The following BPIFA2 variants were observed in gnomAD, a reference collection of about 807,000 sequenced individuals.
The protein encoded by BPIFA2 is BPI fold containing family A member 2.
BPIFA2 carries 20 observed loss-of-function variants against 25.7 expected under a neutral mutation model. That is an observed-to-expected ratio of 0.78 (90% CI 0.55 to 1.13). The LOEUF (loss-of-function observed/expected upper bound fraction) is 1.13. Ranked by LOEUF, BPIFA2 falls within the 50% of genes most tolerant of loss-of-function variation. The probability of loss-of-function intolerance (pLI) is 0.00; values close to 1 mark genes in which losing one functional copy is unlikely to be tolerated. For synonymous variants in BPIFA2, 126 were observed against 124.3 expected (o/e 1.01, Z -0.09); for missense variants, 300 against 298.1 (o/e 1.01, Z -0.05).
At chr20:33,164,342 G>C (rs1317835273), upstream of BPIFA2, among the ~76,000 whole-genome samples, 7 of 152,190 alleles carry the variant, frequency 4.6e-5, 1 homozygote, top group Admixed American at 2.6e-4. Context: ...GAGCGACCCA[G>C]AGAGCTCGCT....
In BPIFA2 at chr20:33,174,069, T is replaced by G. The variant is rs200274615; in HGVS notation, c.303-10T>G. The stretch of plus-strand genomic sequence containing the variant: ...AGGAGTGACAAGGGTGAATTGTGGG[T>G]TTCACACAGGTTGAAAATCAGCAAC... On this transcript the variant is annotated splice_polypyrimidine_tract_variant and intron_variant, in intron 3 of 8. Transcript: ENST00000354932. 6.2e-7 allele frequency: 1 copy of G among 1,611,908 alleles called. No individual in the cohort carries two copies. The highest frequency in any genetic ancestry group is 1.3e-5 in the African/African-American group (1 of 74,940).
At chr20:33,177,969 A>C (rs750258984) in intron 5 of BPIFA2, among the ~76,000 whole-genome samples, 178 bp from the exon 6 acceptor site, 14 of 152,310 alleles carry the variant, frequency 9.2e-5, no homozygotes, top group Middle Eastern at 3.4e-3. Context: ...GCCGCTGGTC[A>C]GATGTGGGAG....
rs746691756 is a variant in BPIFA2, at chr20:33,179,585, C to A, written c.646-19C>A. On this transcript the variant is annotated intron_variant, in intron 6 of 8. Transcript: ENST00000354932. ...CCTCCTACTCCTGACCCTCCTCTTC[C>A]TCCTTTCTCCGCTGTCAGATATGTC... The A allele has an allele frequency of 4.4e-6, 7 of 1,597,280 alleles. No homozygotes were observed. The South Asian group carries it at 7.7e-5, about 18-fold the overall frequency.
At chr20:33,165,854 C>A (rs1230845661), upstream of BPIFA2, among the ~76,000 whole-genome samples, 1 of 152,030 alleles carries the variant, frequency 6.6e-6, no homozygotes. Flanking sequence ...GGAGGAGGAG[C>A]ACACAGGAGG....
At chr20:33,164,331 G>T (rs939410809), upstream of BPIFA2, among the ~76,000 whole-genome samples, 2 of 152,158 alleles carry the variant, frequency 1.3e-5, no homozygotes, top group Non-Finnish European at 2.9e-5. Context: ...GTGAGAACAG[G>T]GAGCGACCCA....
Position 33,169,312 on chromosome 20 carries a change from C to T in BPIFA2, c.157+10C>T. 4.3e-6 allele frequency: 7 copies of T among 1,613,162 alleles called. No homozygotes were observed. The highest frequency in any genetic ancestry group is 5.9e-6 in the Non-Finnish European group (7 of 1,179,132). On this transcript the variant is annotated intron_variant, in intron 2 of 8. Coordinates refer to ENST00000354932, the MANE Select transcript of BPIFA2 (RefSeq NM_080574.4). ...GACAATACTCTTAAAGGTAAATCAA[C>T]AAGGGTGATGAACAGTGTCACCTAA... is the stretch of plus-strand genomic sequence containing the variant.
At chr20:33,166,742 G>T (rs1983738210), upstream of BPIFA2, among the ~76,000 whole-genome samples, 1 of 152,216 alleles carries the variant, frequency 6.6e-6, no homozygotes, top group African/African-American at 2.4e-5. Context: ...ATGCCTCTGA[G>T]ATCCAGGAAC....
At chr20:33,173,501 A>G (rs751619349) in intron 3 of BPIFA2, among the ~76,000 whole-genome samples, 3 of 151,962 alleles carry the variant, frequency 2.0e-5, no homozygotes, top group African/African-American at 4.8e-5. Flanking sequence ...TATTATTATT[A>G]TTGTTATTAT....
intron 2 of BPIFA2, among the ~76,000 whole-genome samples, chr20:33,170,617 C>T (rs936413834): frequency 6.6e-6 from 1 of 152,192 alleles, no homozygotes; most frequent in Admixed American, 6.5e-5. Context: ...TGGTCTCGAA[C>T]TCCCGGCCTC....
intron 7 of BPIFA2, 104 bp downstream of exon 7, chr20:33,179,771 A>C (rs1263990799): frequency 8.3e-7 from 1 of 1,209,454 alleles, no homozygotes; most frequent in East Asian, 2.3e-5. Context: ...AGAAGGACCC[A>C]CTGTCCTAAG....
chr20:33,181,198 T>C (rs1177418219), intron 8 of BPIFA2, 26 bp from the exon 9 acceptor site: 1 of 152,410 alleles, frequency 6.6e-6, no homozygotes, highest in Non-Finnish European at 1.5e-5. Flanking sequence ...GCAGCAAATG[T>C]CCTAACCCCC....
intron 7 of BPIFA2, 39 bp downstream of exon 7, chr20:33,179,706 A>G (rs973576821): frequency 1.3e-6 from 2 of 1,556,862 alleles, no homozygotes; most frequent in Non-Finnish European, 1.8e-6. Context: ...TGAGGCAGGC[A>G]TGGAGCTCTG....
At chr20:33,173,883 A>G (rs1325129193) in intron 3 of BPIFA2, among the ~76,000 whole-genome samples, 196 bp from the exon 4 acceptor site, 2 of 152,150 alleles carry the variant, frequency 1.3e-5, no homozygotes, top group Non-Finnish European at 2.9e-5. Context: ...AATCTGGGGG[A>G]AAATCACACC....
intron 4 of BPIFA2, among the ~76,000 whole-genome samples, chr20:33,174,848 C>T (rs1209406435): frequency 6.6e-6 from 1 of 152,170 alleles, no homozygotes; most frequent in Non-Finnish European, 1.5e-5. Flanking sequence ...GAGGTCGAGG[C>T]TGCAGTGAGC....
intron 5 of BPIFA2, among the ~76,000 whole-genome samples, chr20:33,177,660 T>G (rs927381924): frequency 6.6e-6 from 1 of 152,200 alleles, no homozygotes; most frequent in Non-Finnish European, 1.5e-5. Context: ...GGCACTGTGA[T>G]AGCAAAGCTC....
At chr20:33,163,856 C>A (rs376686292), upstream of BPIFA2, among the ~76,000 whole-genome samples, 2 of 152,024 alleles carry the variant, frequency 1.3e-5, no homozygotes, top group African/African-American at 4.8e-5. Context: ...GCATGGACTC[C>A]GGAGCCAGGT....
upstream of BPIFA2, among the ~76,000 whole-genome samples, chr20:33,164,250 C>T (rs898556459): frequency 5.3e-5 from 8 of 152,232 alleles, no homozygotes; most frequent in African/African-American, 1.4e-4. Context: ...GCCAGGCCCA[C>T]TTTAGCAGGG....
intron 4 of BPIFA2, among the ~76,000 whole-genome samples, chr20:33,174,921 A>G (rs1490498795): frequency 1.3e-5 from 2 of 152,162 alleles, no homozygotes; most frequent in Non-Finnish European, 2.9e-5. Flanking sequence ...ACAAAAAATA[A>G]AAAATTTTAA....
rs760819132 is a variant in BPIFA2 at position 33,172,952 on chromosome 20, G to T, written c.178G>T (p.Val60Phe). The change falls in exon 3 of 9, where the codon GTC (valine) becomes TTC (phenylalanine). Residue 60 changes from valine to phenylalanine, a missense_variant. Val to Phe is a conservative substitution (Grantham distance 50, BLOSUM62 -1). Coordinates refer to ENST00000354932, the MANE Select transcript of BPIFA2 (RefSeq NM_080574.4). ...GGCAGGCATCCTTGAGAAACTGAAG[G>T]TCGACCTAGGAGTGCTTCAGAAATC... is the stretch of plus-strand genomic sequence containing the variant. ...TLKGILEKLK[V>F]DLGVLQKSSA... is the part of the protein sequence containing the mutation. 2 of 1,612,648 alleles carry T rather than the reference G, an allele frequency of 1.2e-6. No individual in the cohort carries two copies. The highest frequency in any genetic ancestry group is 1.7e-6 in the Non-Finnish European group (2 of 1,179,534).
Sources: allele counts gnomAD v4.1 joint callset (sites outside exome capture counted in the v4.1 genomes callset), GRCh38; gene constraint gnomAD v4.1.1; transcripts MANE v1.5; gene names NCBI Gene and HGNC (gene_info 2026-07-23, HGNC 2026-07-21).